GBE1: variants seen among roughly 807,000 people sequenced by gnomAD.
GBE1 encodes 1,4-alpha-glucan branching enzyme 1.
Under a neutral mutation model 88.8 loss-of-function variants are expected in GBE1, and 70 were observed. That is an observed-to-expected ratio of 0.79 (90% CI 0.65 to 0.96). The LOEUF (loss-of-function observed/expected upper bound fraction) is 0.96, where lower values mean the gene tolerates loss of function less well. Ranked by LOEUF, GBE1 falls within the 40% of genes least tolerant of loss-of-function variation. The pLI, the probability that GBE1 is intolerant of heterozygous loss-of-function variation, is 0.00. For missense variants in GBE1, 872 were observed against 871.0 expected (o/e 1.00, Z -0.01); for synonymous variants, 284 against 300.1 (o/e 0.95, Z 0.56).
At chr3:81,734,227 T>A (rs1283380037) in intron 1 of GBE1, among the ~76,000 whole-genome samples, 1 of 152,146 alleles carries the variant, frequency 6.6e-6, no homozygotes, top group African/African-American at 2.4e-5. Flanking sequence ...CCTAAATGTA[T>A]TTTCCAGTTG....
chr3:81,550,236 C>A lies in GBE1; in HGVS notation c.1619-13141G>T, dbSNP rs986193928. Among the ~76,000 whole-genome samples, 8 of 151,500 alleles carry A rather than the reference C, an allele frequency of 5.3e-5. 1 individual carries two copies. Among genetic ancestry groups the A allele is most frequent in the Non-Finnish European group, 1.0e-4 (7 of 67,658 alleles). ...GCAGGATAAGCTTACTCAATGTTCTCTGAAACTGGACAGTTATTAATCTTC... is the reference window on the plus strand; with the variant it reads ...GCAGGATAAGCTTACTCAATGTTCTATGAAACTGGACAGTTATTAATCTTC... On this transcript the variant is annotated intron_variant, in intron 12 of 15. Transcript: ENST00000429644.
chr3:81,745,646 T>C (rs532622286), intron 1 of GBE1, among the ~76,000 whole-genome samples: 1 of 152,232 alleles, frequency 6.6e-6, no homozygotes, highest in South Asian at 2.1e-4. Flanking sequence ...AATTGTAGAA[T>C]AAATATTTCC....
intron 12 of GBE1, among the ~76,000 whole-genome samples, chr3:81,568,362 G>A (rs1703526121): frequency 6.6e-6 from 1 of 152,034 alleles, no homozygotes; most frequent in South Asian, 2.1e-4. Flanking sequence ...TGGCCAGGCT[G>A]GTCACCAACT....
Position 81,537,027 on chromosome 3 carries a change from C to G in GBE1, c.1687G>C (p.Ala563Pro). The G allele has an allele frequency of 1.3e-6, 2 of 1,587,002 alleles. No individual in the cohort carries two copies. The highest frequency in any genetic ancestry group is 1.7e-6 in the Non-Finnish European group (2 of 1,168,392). The change falls in exon 13 of 16, where the codon GCC becomes CCC. Residue 563 changes from alanine to proline, a missense_variant. Transcript: ENST00000429644. ...TCAGTTAAATGAAACTGCCGCCTGG[C>G]ATAATGGTAACTCTCATTATTTCCT... ...RKGNNESYHY[A>P]RRQFHLTDDD...
chr3:81,650,045 C>T (rs1559676070), intron 3 of GBE1, 124 bp from the exon 4 acceptor site: 1 of 682,642 alleles, frequency 1.5e-6, no homozygotes, highest in Middle Eastern at 2.7e-4. Flanking sequence ...GACCACCATA[C>T]AGATGTGTGA....
intron 14 of GBE1, among the ~76,000 whole-genome samples, chr3:81,505,717 G>C (rs1031883006): frequency 6.6e-6 from 1 of 152,080 alleles, no homozygotes; most frequent in African/African-American, 2.4e-5. Context: ...GTCTGTTAGT[G>C]TGTGGTGGAG....
intron 14 of GBE1, among the ~76,000 whole-genome samples, chr3:81,533,743 T>C (rs2106867284): frequency 6.6e-6 from 1 of 152,208 alleles, no homozygotes; most frequent in East Asian, 1.9e-4. Context: ...CTCTGGTCAA[T>C]AAAATATGAA....
chr3:81,687,863 C>G (rs140418582), intron 2 of GBE1, among the ~76,000 whole-genome samples: 96 of 152,242 alleles, frequency 6.3e-4, no homozygotes, highest in African/African-American at 2.1e-3. Flanking sequence ...ATCGAGACGC[C>G]CCATTCAGTC....
chr3:81,577,585 C>A (rs1235582074), intron 12 of GBE1, among the ~76,000 whole-genome samples: 5 of 152,056 alleles, frequency 3.3e-5, no homozygotes, highest in Non-Finnish European at 7.4e-5. Flanking sequence ...ATAATTATAT[C>A]TTTCTTAGAT....
chr3:81,520,239 G>A (rs1702854595), intron 14 of GBE1, among the ~76,000 whole-genome samples: 1 of 151,434 alleles, frequency 6.6e-6, no homozygotes, highest in Admixed American at 6.6e-5. Flanking sequence ...TGGAAACCCT[G>A]GCTGGGCAAC....
intron 14 of GBE1, among the ~76,000 whole-genome samples, chr3:81,508,987 C>T (rs820270): frequency 0.37 from 56,887 of 151,944 alleles, 11,839 homozygotes; most frequent in South Asian, 0.56. Flanking sequence ...GCTTAACACC[C>T]TATGTAGCAC....
At chr3:81,669,957 ACT>A (rs1184706839) in intron 3 of GBE1, among the ~76,000 whole-genome samples, 4 of 152,184 alleles carry the variant, frequency 2.6e-5, no homozygotes, top group Non-Finnish European at 5.9e-5. Context: ...TATTTAAGTA[ACT>A]CTGAGTTAAT....
Position 81,599,094 on chromosome 3 carries a change from C to A in GBE1, c.993-5071G>T, listed in dbSNP as rs542723088. On this transcript the variant is annotated intron_variant, in intron 7 of 15. Coordinates refer to ENST00000429644, the MANE Select transcript of GBE1 (RefSeq NM_000158.4). ...TTATATGTAATTCCAATCAGGTATT[C>A]TCTAGGAAATAAGTAGAAAAGGATG... Among the ~76,000 whole-genome samples, 14 of 152,148 alleles carry A rather than the reference C, an allele frequency of 9.2e-5. No homozygotes were observed. In the South Asian group the frequency reaches 2.9e-3, roughly 32 times the overall value.
intron 12 of GBE1, among the ~76,000 whole-genome samples, chr3:81,572,962 C>T (rs1038564967): frequency 1.4e-4 from 22 of 152,036 alleles, no homozygotes; most frequent in Non-Finnish European, 2.6e-4. Flanking sequence ...ATAGCATTTC[C>T]GTGATAACCA....
At chr3:81,750,063 A>G (rs2107231273) in intron 1 of GBE1, among the ~76,000 whole-genome samples, 1 of 152,290 alleles carries the variant, frequency 6.6e-6, no homozygotes, top group African/African-American at 2.4e-5. Flanking sequence ...CTACACTCCT[A>G]TTACTAGTAA....
At chr3:81,514,435 A>G (rs1319722651) in intron 14 of GBE1, among the ~76,000 whole-genome samples, 2 of 151,690 alleles carry the variant, frequency 1.3e-5, no homozygotes, top group Admixed American at 1.3e-4. Flanking sequence ...ACTACAAAAA[A>G]TAACCATAAT....
At chr3:81,734,862 C>CA (rs1706238561) in intron 1 of GBE1, among the ~76,000 whole-genome samples, 1 of 152,080 alleles carries the variant, frequency 6.6e-6, no homozygotes, top group South Asian at 2.1e-4. Flanking sequence ...CAATGTGGTA[C>CA]AAAAATATTA....
intron 2 of GBE1, among the ~76,000 whole-genome samples, chr3:81,696,379 A>G (rs1214203988): frequency 6.6e-6 from 1 of 152,230 alleles, no homozygotes; most frequent in Non-Finnish European, 1.5e-5. Flanking sequence ...GAAATTATCA[A>G]CAAATTAAAT....
At chr3:81,628,761 A>ATG (rs1266290996) in intron 7 of GBE1, among the ~76,000 whole-genome samples, 2 of 121,452 alleles carry the variant, frequency 1.6e-5, no homozygotes, top group East Asian at 4.7e-4. Flanking sequence ...ATATATATAT[A>ATG]TATATATATA....
Sources: allele counts gnomAD v4.1 joint callset (sites outside exome capture counted in the v4.1 genomes callset), GRCh38; gene constraint gnomAD v4.1.1; transcripts MANE v1.5; gene names NCBI Gene and HGNC (gene_info 2026-07-23, HGNC 2026-07-21).